The following PDE4D variants were observed in gnomAD, a reference collection of about 807,000 sequenced individuals.
PDE4D encodes the protein 3',5'-cyclic-AMP phosphodiesterase 4D.
In PDE4D, 24 loss-of-function variants were observed where a neutral mutation model predicts 87.4. The ratio of observed to expected loss-of-function variants is 0.27; its 90% confidence interval spans 0.20 to 0.39. The LOEUF is 0.39. Among genes scored for constraint, PDE4D ranks in the 10% least tolerant of loss-of-function variants. PDE4D has a pLI of 1.00. For missense variants in PDE4D, 714 were observed against 1,041.0 expected (o/e 0.69, Z 4.32); for synonymous variants, 384 against 383.2 (o/e 1.00, Z -0.02).
intron 2 of PDE4D, among the ~76,000 whole-genome samples, chr5:60,043,352 A>C (rs1443611761): frequency 6.6e-6 from 1 of 152,192 alleles, no homozygotes; most frequent in Non-Finnish European, 1.5e-5. Context: ...GGAGAATGGA[A>C]CCAAGTTGGA....
At chr5:59,474,871 A>T (rs1255842802) in intron 1 of PDE4D, among the ~76,000 whole-genome samples, 1 of 152,098 alleles carries the variant, frequency 6.6e-6, no homozygotes, top group Admixed American at 6.6e-5. Flanking sequence ...AAACCAACTA[A>T]GGGTTTGACT....
chr5:60,216,841 G>A (rs1192319172), intron 1 of PDE4D, among the ~76,000 whole-genome samples: 2 of 152,014 alleles, frequency 1.3e-5, no homozygotes, highest in South Asian at 2.1e-4. Flanking sequence ...TATAATAATA[G>A]TTGGATACTT....
At chr5:59,251,764 A>G (rs2153529655) in intron 1 of PDE4D, among the ~76,000 whole-genome samples, 1 of 152,276 alleles carries the variant, frequency 6.6e-6, no homozygotes, top group Admixed American at 6.5e-5. Flanking sequence ...TAGTAACGAC[A>G]TGGAATCAAC....
At chr5:59,319,160 A>ATGTGTG (rs59099367) in intron 1 of PDE4D, among the ~76,000 whole-genome samples, 217 of 139,796 alleles carry the variant, frequency 1.6e-3, no homozygotes, top group African/African-American at 3.3e-3. Context: ...GTACATATAT[A>ATGTGTG]TGTGTGTGTG....
At chr5:60,450,601 A>C (rs1327893025) in intron 1 of PDE4D, among the ~76,000 whole-genome samples, 2 of 152,158 alleles carry the variant, frequency 1.3e-5, no homozygotes, top group African/African-American at 4.8e-5. Flanking sequence ...AATTTACTTT[A>C]TATCAAAATA....
intron 2 of PDE4D, among the ~76,000 whole-genome samples, chr5:60,018,988 T>C (rs1368605219): frequency 3.3e-5 from 5 of 152,124 alleles, no homozygotes; most frequent in African/African-American, 9.7e-5. Flanking sequence ...GTGAACCTGA[T>C]AGGTATCTGC....
chr5:59,457,619 T>C (rs542099427), intron 1 of PDE4D, among the ~76,000 whole-genome samples: 42 of 152,238 alleles, frequency 2.8e-4, no homozygotes, highest in Non-Finnish European at 5.3e-4. Context: ...ATGAGACCTA[T>C]AGAATTCACG....
rs144862393 is a variant in PDE4D at position 60,510,947 on chromosome 5, C to T, written n.70+11104G>A. The stretch of plus-strand genomic sequence containing the variant: ...TTCACATGCTTGAAATTCCTCCTGC[C>T]GTGGTAGTTTTTTTGTTTTGTTTTG... On this transcript the variant is annotated intron_variant and non_coding_transcript_variant, in intron 1 of 2. Coordinates refer to the PDE4D transcript ENST00000506510. 4.0e-3 allele frequency among the ~76,000 whole-genome samples: 605 copies of T among 152,034 alleles called. 2 individuals are homozygous for T. The highest frequency in any genetic ancestry group is 0.014 in the African/African-American group (569 of 41,480).
chr5:59,077,475 CTTTTT>C (rs33910828), intron 5 of PDE4D, among the ~76,000 whole-genome samples: 1 of 130,974 alleles, frequency 7.6e-6, no homozygotes. Context: ...TTTTTTTCTT[CTTTTT>C]TTTTTTTTTT....
intron 1 of PDE4D, among the ~76,000 whole-genome samples, chr5:59,297,258 C>T (rs906394775): frequency 6.6e-6 from 1 of 152,142 alleles, no homozygotes; most frequent in African/African-American, 2.4e-5. Flanking sequence ...GTTTAGGCTT[C>T]TATAAGTGAG....
intron 1 of PDE4D, among the ~76,000 whole-genome samples, chr5:60,227,089 G>A (rs1247890917): frequency 6.6e-6 from 1 of 152,028 alleles, no homozygotes; most frequent in African/African-American, 2.4e-5. Flanking sequence ...ACACACATAT[G>A]CACATAGTGC....
intron 2 of PDE4D, among the ~76,000 whole-genome samples, chr5:60,163,894 T>C (rs996327336): frequency 1.3e-5 from 2 of 152,148 alleles, no homozygotes; most frequent in African/African-American, 4.8e-5. Flanking sequence ...CCCCATTGAC[T>C]TTCTGGAAAT....
At chr5:59,838,292 A>T (rs985446910) in intron 1 of PDE4D, among the ~76,000 whole-genome samples, 1 of 152,066 alleles carries the variant, frequency 6.6e-6, no homozygotes, top group African/African-American at 2.4e-5. Flanking sequence ...TTCAAATTAC[A>T]CTGAACCAGC....
chr5:59,497,703 T>C (rs377248183), intron 1 of PDE4D, among the ~76,000 whole-genome samples: 5 of 152,236 alleles, frequency 3.3e-5, no homozygotes, highest in East Asian at 3.9e-4. Flanking sequence ...TAAAGTGACA[T>C]TGGCATTTCT....
Position 59,983,706 on chromosome 5 carries a change from T to C in PDE4D, c.272+4782A>G, listed in dbSNP as rs182210663. On this transcript the variant is annotated intron_variant, in intron 3 of 16. Transcript: ENST00000502484. ...CCAAAATGAAAAAGACTGAAAATAC[T>C]AAGTGTTGGTGAGAATGTAGAACAA... 1.0e-3 allele frequency among the ~76,000 whole-genome samples: 157 copies of C among 152,272 alleles called. 2 individuals carry two copies. The highest frequency in any genetic ancestry group is 3.5e-3 in the African/African-American group (146 of 41,578).
chr5:59,331,615 T>C (rs1178726349), intron 1 of PDE4D, among the ~76,000 whole-genome samples: 1 of 152,208 alleles, frequency 6.6e-6, no homozygotes, highest in Non-Finnish European at 1.5e-5. Flanking sequence ...CAGTCCAGAA[T>C]GACATTTCTT....
intron 2 of PDE4D, among the ~76,000 whole-genome samples, chr5:60,036,686 T>C (rs998520411): frequency 3.9e-5 from 6 of 152,206 alleles, no homozygotes; most frequent in African/African-American, 1.4e-4. Context: ...GTCAATGTTG[T>C]CCTCTTACCA....
intron 1 of PDE4D, among the ~76,000 whole-genome samples, chr5:59,363,896 G>C (rs927588836): frequency 6.6e-5 from 10 of 152,154 alleles, no homozygotes; most frequent in African/African-American, 2.4e-4. Context: ...CTAGAGTATA[G>C]TTCAGCTTGA....
intron 1 of PDE4D, among the ~76,000 whole-genome samples, chr5:59,489,152 G>T (rs554542813): frequency 6.6e-6 from 1 of 151,518 alleles, no homozygotes; most frequent in South Asian, 2.1e-4. Context: ...GAGTGTGGTA[G>T]TACTCAGGAG....
Sources: allele counts gnomAD v4.1 joint callset (sites outside exome capture counted in the v4.1 genomes callset), GRCh38; gene constraint gnomAD v4.1.1; transcripts MANE v1.5; gene names NCBI Gene and HGNC (gene_info 2026-07-23, HGNC 2026-07-21).